Variants in CLDN14 observed in about 807,000 individuals in gnomAD.
CLDN14 encodes claudin-14.
In CLDN14, 2 loss-of-function variants were observed where a neutral mutation model predicts 2.1. That is an observed-to-expected ratio of 0.96 (90% confidence interval 0.39 to 3.01). The LOEUF (loss-of-function observed/expected upper bound fraction) is 3.01. Among genes scored for constraint, CLDN14 ranks in the 30% most tolerant of loss-of-function variants. The pLI, the probability that CLDN14 is intolerant of heterozygous loss-of-function variation, is 0.09. For synonymous variants in CLDN14, 136 were observed against 154.4 expected, an observed-to-expected ratio of 0.88 and a Z score of 0.88; for missense variants, 298 against 328.0, an observed-to-expected ratio of 0.91 and a Z score of 0.71.
At chr21:36,484,965 G>T (rs1427544504), upstream of CLDN14, among the ~76,000 whole-genome samples, 3 of 152,074 alleles carry the variant, frequency 2.0e-5, no homozygotes, top group Non-Finnish European at 4.4e-5. Context: ...GCCTGCCTCG[G>T]CCTCCCAAAG....
intron 2 of CLDN14, among the ~76,000 whole-genome samples, chr21:36,488,470 C>A (rs1482986580): frequency 1.3e-5 from 2 of 152,070 alleles, no homozygotes; most frequent in African/African-American, 2.4e-5. Context: ...CGGGGTTTCA[C>A]CATGTTGGCC....
rs563002621 is a variant in CLDN14, at chr21:36,508,757, C to T, written c.-82+1606G>A. Among the ~76,000 whole-genome samples, 80 of 152,316 alleles carry T rather than the reference C, an allele frequency of 5.3e-4. 2 individuals carry two copies. The South Asian group carries it at 0.015, about 29-fold the overall frequency. The stretch of plus-strand genomic sequence containing the variant: ...TGAATGTCTGCAACATCACTGAAAA[C>T]AGTCACAAGTTGGAGAGACAATGGT... On this transcript the variant is annotated intron_variant, in intron 2 of 2. Transcript: ENST00000342108.
chr21:36,529,491 C>A (rs1197087396), intron 1 of CLDN14, among the ~76,000 whole-genome samples: 1 of 152,082 alleles, frequency 6.6e-6, no homozygotes, highest in Admixed American at 6.5e-5. Flanking sequence ...TTTCACCAGG[C>A]TGGCCTCAAA....
chr21:36,553,923 C>T (rs552793734), intron 1 of CLDN14, among the ~76,000 whole-genome samples: 24 of 152,226 alleles, frequency 1.6e-4, no homozygotes, highest in African/African-American at 5.1e-4. Flanking sequence ...TTGATGTCAT[C>T]GTGCATATCA....
chr21:36,568,608 A>G (rs1374473588), intron 1 of CLDN14, among the ~76,000 whole-genome samples: 1 of 152,212 alleles, frequency 6.6e-6, no homozygotes, highest in Non-Finnish European at 1.5e-5. Flanking sequence ...GCCTGAAGTC[A>G]CAGTTACTTG....
intron 1 of CLDN14, among the ~76,000 whole-genome samples, chr21:36,573,730 A>G (rs1029418709): frequency 3.3e-5 from 5 of 152,200 alleles, no homozygotes; most frequent in Non-Finnish European, 7.3e-5. Context: ...TATAATATAC[A>G]AAGTCACTAT....
intron 1 of CLDN14, among the ~76,000 whole-genome samples, chr21:36,553,302 G>A (rs2087575793): frequency 6.6e-6 from 1 of 152,200 alleles, no homozygotes; most frequent in Non-Finnish European, 1.5e-5. Flanking sequence ...AAGGCGAGAG[G>A]AAGGGGAAGG....
intron 2 of CLDN14, among the ~76,000 whole-genome samples, chr21:36,508,604 G>A (rs1181737609): frequency 6.6e-6 from 1 of 152,170 alleles, no homozygotes; most frequent in Non-Finnish European, 1.5e-5. Flanking sequence ...AGCAAGCACA[G>A]AGCCATCCTC....
chr21:36,463,858 G>A (rs751431982), intron 1 of CLDN14, among the ~76,000 whole-genome samples: 3 of 152,170 alleles, frequency 2.0e-5, no homozygotes, highest in Non-Finnish European at 4.4e-5. Flanking sequence ...AACATATACT[G>A]GGTTTAAATA....
At chr21:36,489,996 T>C (rs1355981960) in intron 2 of CLDN14, among the ~76,000 whole-genome samples, 1 of 152,122 alleles carries the variant, frequency 6.6e-6, no homozygotes, top group Admixed American at 6.5e-5. Context: ...TTCTGCAAGG[T>C]CTTCTCCACT....
chr21:36,570,005 A>G lies in CLDN14; in HGVS notation c.-220+6406T>C, dbSNP rs553762319. On this transcript the variant is annotated intron_variant, in intron 1 of 2. Transcript: ENST00000342108. ...CTGATGACATGTGCCCACGGCGGTC[A>G]GGGTACAGCTTGCTCTTACACTTTT... Among the ~76,000 whole-genome samples the G allele has an allele frequency of 9.2e-5, 14 of 152,370 alleles. No individual in the cohort carries two copies. The East Asian group carries it at 2.7e-3, about 29-fold the overall frequency.
intron 1 of CLDN14, among the ~76,000 whole-genome samples, chr21:36,540,242 T>G (rs946429005): frequency 6.6e-6 from 1 of 152,120 alleles, no homozygotes; most frequent in Non-Finnish European, 1.5e-5. Context: ...GCGTAGTGTT[T>G]GCATGTGGCC....
At chr21:36,470,586 G>A (rs1424766476) in intron 1 of CLDN14, among the ~76,000 whole-genome samples, 1 of 152,210 alleles carries the variant, frequency 6.6e-6, no homozygotes. Context: ...ATAAATTTCT[G>A]TTGTTTCAGG....
chr21:36,537,928 A>G (rs2087441437), intron 1 of CLDN14, among the ~76,000 whole-genome samples: 1 of 152,162 alleles, frequency 6.6e-6, no homozygotes, highest in Non-Finnish European at 1.5e-5. Context: ...GATTACTGGC[A>G]TGAGCCACCA....
chr21:36,564,941 G>A (rs1259163475), intron 1 of CLDN14, among the ~76,000 whole-genome samples: 1 of 152,198 alleles, frequency 6.6e-6, no homozygotes, highest in Admixed American at 6.5e-5. Context: ...AGACAAGCAA[G>A]TTGATTCCCC....
At chr21:36,561,034 C>A (rs1235704019) in intron 1 of CLDN14, among the ~76,000 whole-genome samples, 1 of 152,164 alleles carries the variant, frequency 6.6e-6, no homozygotes, top group Non-Finnish European at 1.5e-5. Context: ...TGATTGGTTT[C>A]AATAAGCATG....
At chr21:36,495,544 T>C (rs1321052200) in intron 2 of CLDN14, among the ~76,000 whole-genome samples, 1 of 152,192 alleles carries the variant, frequency 6.6e-6, no homozygotes, top group Non-Finnish European at 1.5e-5. Context: ...TCACACTGAC[T>C]TCATCAAAAA....
chr21:36,528,747 T>G (rs2087355336), intron 1 of CLDN14, among the ~76,000 whole-genome samples: 1 of 152,232 alleles, frequency 6.6e-6, no homozygotes, highest in African/African-American at 2.4e-5. Flanking sequence ...AGTGAAAGAA[T>G]CTGCTTGTTG....
At chr21:36,472,315 G>A (rs963490243) in intron 1 of CLDN14, among the ~76,000 whole-genome samples, 2 of 152,184 alleles carry the variant, frequency 1.3e-5, no homozygotes, top group Admixed American at 6.5e-5. Flanking sequence ...TGATGGTTTA[G>A]CTGCGGGGTG....
Sources: allele counts gnomAD v4.1 joint callset (sites outside exome capture counted in the v4.1 genomes callset), GRCh38; gene constraint gnomAD v4.1.1; transcripts MANE v1.5; gene names NCBI Gene and HGNC (gene_info 2026-07-23, HGNC 2026-07-21).